SIPA1L2: variants seen among roughly 807,000 people sequenced by gnomAD.
SIPA1L2 encodes signal induced proliferation associated 1 like 2, also known as signal-induced proliferation-associated 1-like protein 2.
Under a neutral mutation model 163.9 loss-of-function variants are expected in SIPA1L2, and 56 were observed. That is an observed-to-expected ratio of 0.34 (90% CI 0.28 to 0.43). SIPA1L2 has a LOEUF of 0.43. SIPA1L2 is among the 20% of genes least tolerant of loss of function. The pLI is 1.00. For synonymous variants in SIPA1L2, 877 were observed against 865.7 expected (o/e 1.01, Z -0.23); for missense variants, 1,974 against 2,193.5 (o/e 0.90, Z 2.00).
chr1:232,629,633 A>AGGC (rs1344687348), intron 1 of SIPA1L2, among the ~76,000 whole-genome samples: 7 of 152,168 alleles, frequency 4.6e-5, no homozygotes, highest in South Asian at 4.1e-4. Flanking sequence ...TGGAGAGAAC[A>AGGC]GGCGGCGGCG....
rs1558199059 is a variant in SIPA1L2, at chr1:232,465,549, T to TATACATACATAC, written c.2244-134_2244-133insGTATGTATGTAT. On this transcript the variant is annotated intron_variant, in intron 8 of 22. Coordinates refer to ENST00000674635, the MANE Select transcript of SIPA1L2 (RefSeq NM_020808.5). The surrounding 1 kb of genome is among the most constrained non-coding windows in gnomAD (Gnocchi z 4.1). ...ACACACACACATATACATACACACA[T>TATACATACATAC]ACACACACACTTTCAACTTAACTGG... The TATACATACATAC allele has an allele frequency of 9.4e-4, 584 of 618,882 alleles. 5 individuals are homozygous for TATACATACATAC. The African/African-American group carries it at 0.013, about 13-fold the overall frequency. 38.3% of individuals were successfully genotyped at this position (618,882 alleles called of 1,614,324 possible).
At chr1:232,502,124 T>C (rs1228077276) in intron 3 of SIPA1L2, among the ~76,000 whole-genome samples, 1 of 152,228 alleles carries the variant, frequency 6.6e-6, no homozygotes, top group Non-Finnish European at 1.5e-5. Context: ...TAATCTGGGC[T>C]TTGATACTTA....
intron 1 of SIPA1L2, among the ~76,000 whole-genome samples, chr1:232,597,521 AC>A (rs1172084705): frequency 1.7e-4 from 24 of 143,662 alleles, no homozygotes; most frequent in South Asian, 4.6e-4. Context: ...ACTAAAAAAT[AC>A]CAAAAAAAAA....
chr1:232,548,825 G>C (rs1369781637), intron 2 of SIPA1L2, among the ~76,000 whole-genome samples: 2 of 152,162 alleles, frequency 1.3e-5, no homozygotes, highest in African/African-American at 4.8e-5. Context: ...CCAGGCAGGG[G>C]ACGCAGCCTA....
At chr1:232,539,860 G>A (rs1280238130) in intron 2 of SIPA1L2, among the ~76,000 whole-genome samples, 1 of 152,160 alleles carries the variant, frequency 6.6e-6, no homozygotes. Flanking sequence ...TTTTCATTAC[G>A]CATTTTTTCT....
intron 10 of SIPA1L2, among the ~76,000 whole-genome samples, chr1:232,455,463 C>T (rs1402913003): frequency 2.0e-5 from 3 of 152,174 alleles, no homozygotes; most frequent in Admixed American, 6.5e-5. Flanking sequence ...GGGAGGATCA[C>T]GAGGTCAGGA....
intron 3 of SIPA1L2, among the ~76,000 whole-genome samples, chr1:232,497,534 A>G (rs1666260239): frequency 6.6e-6 from 1 of 152,154 alleles, no homozygotes; most frequent in Admixed American, 6.5e-5. Flanking sequence ...AATCTGCATC[A>G]AACTTTCTGC....
intron 2 of SIPA1L2, among the ~76,000 whole-genome samples, chr1:232,550,249 A>G (rs1250553268): frequency 2.0e-5 from 3 of 152,240 alleles, no homozygotes; most frequent in Non-Finnish European, 4.4e-5. Context: ...TAAGTAATCA[A>G]GATCTAGGGC....
intron 4 of SIPA1L2, 28 bp downstream of exon 4, chr1:232,493,499 C>A (rs755723992): frequency 4.0e-5 from 65 of 1,613,250 alleles, no homozygotes; most frequent in Non-Finnish European, 5.4e-5. Context: ...GACTTTAGCC[C>A]AATAACTACG....
At chr1:232,585,914 A>G (rs1660630863) in intron 1 of SIPA1L2, among the ~76,000 whole-genome samples, 4 of 152,256 alleles carry the variant, frequency 2.6e-5, no homozygotes, top group Admixed American at 2.6e-4. Context: ...TGAAGTAGGA[A>G]AAACCATGAT....
intron 2 of SIPA1L2, among the ~76,000 whole-genome samples, chr1:232,546,217 A>G (rs542659582): frequency 6.6e-6 from 1 of 152,354 alleles, no homozygotes; most frequent in South Asian, 2.1e-4. Context: ...GCATAACCGT[A>G]CTTTTGCACG....
intron 2 of SIPA1L2, among the ~76,000 whole-genome samples, chr1:232,531,193 G>T (rs938779003): frequency 6.6e-6 from 1 of 152,064 alleles, no homozygotes; most frequent in Non-Finnish European, 1.5e-5. Context: ...GCCTCTAAAT[G>T]CAGCATTTAA....
At chr1:232,526,228 G>GT (rs765399162) in intron 2 of SIPA1L2, among the ~76,000 whole-genome samples, 1 of 152,190 alleles carries the variant, frequency 6.6e-6, no homozygotes, top group Non-Finnish European at 1.5e-5. Flanking sequence ...CCCCAGGCCT[G>GT]TATCTGTCAT....
intron 2 of SIPA1L2, among the ~76,000 whole-genome samples, chr1:232,566,485 C>A (rs1324365798): frequency 6.6e-6 from 1 of 152,226 alleles, no homozygotes; most frequent in South Asian, 2.1e-4. Flanking sequence ...GATTCATGAA[C>A]TAAGAGTGGT....
intron 18 of SIPA1L2, among the ~76,000 whole-genome samples, chr1:232,418,443 G>C (rs1019416139): frequency 4.6e-5 from 7 of 152,224 alleles, no homozygotes; most frequent in African/African-American, 1.7e-4. Context: ...TAAAGTTCCT[G>C]ATACGTGGCC....
intron 2 of SIPA1L2, among the ~76,000 whole-genome samples, chr1:232,546,474 G>A (rs936911380): frequency 3.3e-5 from 5 of 152,140 alleles, no homozygotes; most frequent in African/African-American, 9.7e-5. Context: ...CTGCCCAGCC[G>A]GGCAACCAAT....
intron 18 of SIPA1L2, among the ~76,000 whole-genome samples, chr1:232,417,167 G>A (rs1016197001): frequency 6.6e-6 from 1 of 152,170 alleles, no homozygotes. Flanking sequence ...GCTGTGAAAT[G>A]CTGGCATCTG....
chr1:232,471,626 A>AAAAGCAC (rs771939390), intron 7 of SIPA1L2, 98 bp from the exon 8 acceptor site: 208 of 1,137,584 alleles, frequency 1.8e-4, no homozygotes, highest in Admixed American at 3.8e-4. Context: ...GTGATTTTTA[A>AAAAGCAC]AAAGCACAGT....
At chr1:232,518,871 C>T (rs1258409848) in intron 2 of SIPA1L2, among the ~76,000 whole-genome samples, 1 of 152,092 alleles carries the variant, frequency 6.6e-6, no homozygotes, top group African/African-American at 2.4e-5. Flanking sequence ...ATTAAATTAA[C>T]AAATTACTGT....
Sources: gnomAD v4.1 joint callset for allele counts (sites outside exome capture counted in the v4.1 genomes callset) on GRCh38, gnomAD v4.1.1 for gene constraint, Gnocchi (gnomAD v3.1) non-coding constraint, MANE v1.5 for transcripts, NCBI Gene and HGNC (gene_info 2026-07-23, HGNC 2026-07-21) for gene names.